CNTN3: variants seen among roughly 807,000 people sequenced by gnomAD.
CNTN3 encodes contactin-3.
CNTN3 carries 60 observed loss-of-function variants against 119.1 expected under a neutral mutation model. That is an observed-to-expected ratio of 0.50 (90% CI 0.41 to 0.62). The LOEUF is 0.62. Ranked by LOEUF, CNTN3 falls within the 20% of genes least tolerant of loss-of-function variation. CNTN3 has a pLI of 0.00. For missense variants in CNTN3, 1,101 were observed against 1,242.4 expected (o/e 0.89, Z 1.71); for synonymous variants, 450 against 438.7 (o/e 1.03, Z -0.32).
intron 13 of CNTN3, among the ~76,000 whole-genome samples, chr3:74,311,667 G>A (rs1377411043): frequency 1.3e-5 from 2 of 152,162 alleles, no homozygotes; most frequent in Admixed American, 6.5e-5. Flanking sequence ...AAAGAGACAA[G>A]TAACCCAATT....
chr3:74,588,457 G>A (rs1222926091), intron 1 of CNTN3, among the ~76,000 whole-genome samples: 2 of 151,922 alleles, frequency 1.3e-5, no homozygotes, highest in African/African-American at 4.8e-5. Context: ...AATAAAAGAG[G>A]ATACAAACAA....
rs558869981 is a variant in CNTN3 at position 74,415,768 on chromosome 3, T to C, written c.454+9077A>G. On this transcript the variant is annotated intron_variant, in intron 5 of 22. Transcript: ENST00000263665. Reference sequence around the variant, plus strand: ...AATCTCTGCCCCTGGTCTCTTCTTGTTTCTGTCGGGCTACATCTCAGCTCC... The same window carrying C: ...AATCTCTGCCCCTGGTCTCTTCTTGCTTCTGTCGGGCTACATCTCAGCTCC... 9.8e-5 allele frequency among the ~76,000 whole-genome samples: 15 copies of C among 152,286 alleles called. No individual in the cohort carries two copies. The East Asian group carries it at 2.3e-3, about 24-fold the overall frequency.
intron 4 of CNTN3, among the ~76,000 whole-genome samples, chr3:74,456,908 C>T (rs9815683): frequency 0.51 from 77,712 of 151,706 alleles, 20,245 homozygotes; most frequent in Non-Finnish European, 0.55. Context: ...ATCTATTTAC[C>T]AATAAGTTTT....
intron 4 of CNTN3, among the ~76,000 whole-genome samples, chr3:74,442,309 T>C (rs2106930457): frequency 6.6e-6 from 1 of 152,160 alleles, no homozygotes; most frequent in East Asian, 1.9e-4. Context: ...TAGGCTAAGG[T>C]CTATCACTAA....
chr3:74,605,099 A>G (rs1235656868), intron 1 of CNTN3, among the ~76,000 whole-genome samples: 1 of 152,140 alleles, frequency 6.6e-6, no homozygotes, highest in Non-Finnish European at 1.5e-5. Flanking sequence ...AAAAGTTGAA[A>G]TCATAGAAGT....
At chr3:74,613,925 G>A (rs1033216447) in intron 1 of CNTN3, among the ~76,000 whole-genome samples, 1 of 152,176 alleles carries the variant, frequency 6.6e-6, no homozygotes, top group Admixed American at 6.5e-5. Flanking sequence ...TAGAAAACTT[G>A]ATCGCTAATG....
intron 1 of CNTN3, among the ~76,000 whole-genome samples, chr3:74,530,137 T>C (rs1179831248): frequency 6.6e-6 from 1 of 151,982 alleles, no homozygotes; most frequent in Non-Finnish European, 1.5e-5. Flanking sequence ...AATTCATGTC[T>C]TCAAGGCACT....
intron 1 of CNTN3, among the ~76,000 whole-genome samples, chr3:74,599,249 C>T (rs886653794): frequency 8.5e-5 from 13 of 152,054 alleles, no homozygotes; most frequent in African/African-American, 3.1e-4. Context: ...CCAAGAAATA[C>T]AAGTTTCCTG....
At chr3:74,434,730 C>T (rs899939397) in intron 4 of CNTN3, among the ~76,000 whole-genome samples, 6 of 152,110 alleles carry the variant, frequency 3.9e-5, no homozygotes, top group Admixed American at 6.5e-5. Context: ...TAAGATAACT[C>T]GTGTAAATTA....
chr3:74,555,784 G>A (rs924882850), intron 1 of CNTN3, among the ~76,000 whole-genome samples: 1 of 151,948 alleles, frequency 6.6e-6, no homozygotes, highest in Non-Finnish European at 1.5e-5. Flanking sequence ...TTTATTGCAT[G>A]TATTTGATTC....
In CNTN3 at chr3:74,293,234, CT is replaced by C. The variant is rs544313808; in HGVS notation, c.2517+1886del. ...TTAACAACACCTTCAGGTAATTCTG[CT>C]GTAGGGGGTTCACAGCCCATACTTT... On this transcript the variant is annotated intron_variant, in intron 19 of 22. Coordinates refer to ENST00000263665, the MANE Select transcript of CNTN3 (RefSeq NM_020872.3). Among the ~76,000 whole-genome samples, 453 of 152,298 alleles carry C rather than the reference CT, an allele frequency of 3.0e-3. 6 individuals are homozygous for C. The highest frequency in any genetic ancestry group is 0.011 in the African/African-American group (438 of 41,574).
intron 2 of CNTN3, among the ~76,000 whole-genome samples, chr3:74,505,519 A>ACACCC (rs1553674653): frequency 4.4e-4 from 67 of 151,612 alleles, no homozygotes; most frequent in Admixed American, 4.3e-3. Context: ...ACACACACAC[A>ACACCC]CACACCACAC....
intron 1 of CNTN3, among the ~76,000 whole-genome samples, chr3:74,601,148 G>A (rs973021396): frequency 6.6e-6 from 1 of 151,934 alleles, no homozygotes; most frequent in Non-Finnish European, 1.5e-5. Context: ...AGAGCTCAAT[G>A]GGTAGCATCT....
intron 1 of CNTN3, among the ~76,000 whole-genome samples, chr3:74,597,931 T>C (rs1255497365): frequency 6.6e-6 from 1 of 152,062 alleles, no homozygotes; most frequent in Non-Finnish European, 1.5e-5. Flanking sequence ...TAAAACTTCC[T>C]ACTACCCATA....
chr3:74,385,630 C>T (rs762140565), intron 5 of CNTN3, among the ~76,000 whole-genome samples: 3 of 152,112 alleles, frequency 2.0e-5, no homozygotes, highest in Non-Finnish European at 4.4e-5. Context: ...TTTTCTCTTA[C>T]CTGAAAAATG....
rs370813312 is a variant in CNTN3 at position 74,582,693 on chromosome 3, G to A, written c.-81+31698C>T. On this transcript the variant is annotated intron_variant, in intron 1 of 22. Transcript: ENST00000263665. The stretch of plus-strand genomic sequence containing the variant: ...AAAGAGACTGGCAAATGTTAGCAAA[G>A]AAAGTAGTAACAGGAATCCCCAACC... Among the ~76,000 whole-genome samples, 50 of 152,134 alleles carry A rather than the reference G, an allele frequency of 3.3e-4. No individual in the cohort carries two copies. The East Asian group carries it at 7.0e-3, about 21-fold the overall frequency.
At chr3:74,605,382 T>C (rs867231354) in intron 1 of CNTN3, among the ~76,000 whole-genome samples, 9 of 152,168 alleles carry the variant, frequency 5.9e-5, no homozygotes, top group Non-Finnish European at 1.0e-4. Flanking sequence ...TAAGACATCA[T>C]GTTGTATACA....
chr3:74,347,240 C>T (rs1329620126), intron 11 of CNTN3, among the ~76,000 whole-genome samples: 1 of 152,140 alleles, frequency 6.6e-6, no homozygotes, highest in African/African-American at 2.4e-5. Flanking sequence ...TCTCAGCTGC[C>T]ACTACTGTGA....
chr3:74,476,486 C>T (rs137975353), intron 4 of CNTN3, among the ~76,000 whole-genome samples: 3 of 152,218 alleles, frequency 2.0e-5, no homozygotes, highest in East Asian at 3.9e-4. Flanking sequence ...AATGTTTGTC[C>T]AGGTAGGTAG....
Sources: allele counts gnomAD v4.1 joint callset (sites outside exome capture counted in the v4.1 genomes callset), GRCh38; gene constraint gnomAD v4.1.1; transcripts MANE v1.5; gene names NCBI Gene and HGNC (gene_info 2026-07-23, HGNC 2026-07-21).